SND1: variants seen among roughly 807,000 people sequenced by gnomAD.
SND1 encodes staphylococcal nuclease and tudor domain containing 1, also known as staphylococcal nuclease domain-containing protein 1.
A neutral mutation model predicts 121.7 loss-of-function variants in SND1; 38 were observed. That is an observed-to-expected ratio of 0.31 (90% CI 0.24 to 0.41). The LOEUF is 0.41. SND1 is among the 10% of genes least tolerant of loss of function. The probability of loss-of-function intolerance (pLI) is 1.00; values close to 1 mark genes in which losing one functional copy is unlikely to be tolerated. For missense variants in SND1, 868 were observed against 1,184.6 expected, an observed-to-expected ratio of 0.73 and a Z score of 3.92; for synonymous variants, 401 against 447.4, an observed-to-expected ratio of 0.90 and a Z score of 1.31.
chr7:127,779,539 C>T (rs1797679911), intron 10 of SND1, among the ~76,000 whole-genome samples: 1 of 152,162 alleles, frequency 6.6e-6, no homozygotes, highest in Admixed American at 6.5e-5. Flanking sequence ...CTTATAATGG[C>T]CTTTATATAC....
chr7:127,876,216 G>A (rs1014556983), intron 12 of SND1, among the ~76,000 whole-genome samples: 1 of 152,018 alleles, frequency 6.6e-6, no homozygotes, highest in Non-Finnish European at 1.5e-5. Context: ...TTCTAAAAAA[G>A]TTTTCTGTGG....
chr7:127,837,818 T>G (rs1434618018), intron 11 of SND1, among the ~76,000 whole-genome samples: 1 of 152,260 alleles, frequency 6.6e-6, no homozygotes, highest in East Asian at 1.9e-4. Flanking sequence ...GTATGGAAGA[T>G]CCTGTTGTTA....
intron 10 of SND1, among the ~76,000 whole-genome samples, chr7:127,768,418 A>G (rs913141283): frequency 1.3e-5 from 2 of 152,194 alleles, no homozygotes; most frequent in Non-Finnish European, 2.9e-5. Flanking sequence ...TTGTTATGTA[A>G]GTTCATAATT....
intron 13 of SND1, among the ~76,000 whole-genome samples, chr7:127,901,545 A>ATTCTGCTC (rs1237169659): frequency 6.6e-6 from 1 of 152,130 alleles, no homozygotes; most frequent in Non-Finnish European, 1.5e-5. Flanking sequence ...GCCGCAGGTT[A>ATTCTGCTC]TTCTGCTCTT....
intron 15 of SND1, among the ~76,000 whole-genome samples, chr7:127,958,668 C>T (rs776885882): frequency 3.3e-5 from 5 of 152,102 alleles, no homozygotes; most frequent in Admixed American, 6.5e-5. Context: ...TCCATGCTTA[C>T]GTCCAGAGTG....
At chr7:128,082,891 G>A (rs1793629882) in intron 18 of SND1, among the ~76,000 whole-genome samples, 1 of 152,210 alleles carries the variant, frequency 6.6e-6, no homozygotes, top group African/African-American at 2.4e-5. Flanking sequence ...AGCCCCTGAA[G>A]TCTTAGAGAG....
chr7:127,859,004 C>G (rs1799332943), intron 12 of SND1, among the ~76,000 whole-genome samples: 1 of 152,122 alleles, frequency 6.6e-6, no homozygotes, highest in Admixed American at 6.5e-5. Context: ...TCTGGGGCTG[C>G]CTCTCTCCAT....
chr7:127,676,226 G>A (rs969246416), intron 1 of SND1, among the ~76,000 whole-genome samples: 1 of 152,158 alleles, frequency 6.6e-6, no homozygotes, highest in African/African-American at 2.4e-5. Context: ...TCCCTGTCCT[G>A]CTTCCTCAGG....
intron 11 of SND1, among the ~76,000 whole-genome samples, chr7:127,840,357 A>G (rs989127209): frequency 4.6e-5 from 7 of 152,196 alleles, no homozygotes; most frequent in African/African-American, 1.4e-4. Flanking sequence ...AGGGAGCTTC[A>G]AGTAGCACCA....
At chr7:127,684,742 G>T (rs759616163) in intron 1 of SND1, among the ~76,000 whole-genome samples, 1 of 152,130 alleles carries the variant, frequency 6.6e-6, no homozygotes, top group African/African-American at 2.4e-5. Flanking sequence ...AACGAAAAGC[G>T]TGCCTGTAAC....
intron 10 of SND1, among the ~76,000 whole-genome samples, chr7:127,748,391 AG>A (rs762773294): frequency 3.9e-5 from 6 of 152,190 alleles, no homozygotes; most frequent in Non-Finnish European, 8.8e-5. Context: ...CAGATTAATC[AG>A]GTGTATGCTG....
At chr7:128,072,434 T>C (rs1417408991) in intron 16 of SND1, among the ~76,000 whole-genome samples, 1 of 152,332 alleles carries the variant, frequency 6.6e-6, no homozygotes, top group East Asian at 1.9e-4. Context: ...GGCTCAGTGT[T>C]GGCTGGGAAC....
At chr7:128,025,912 ATTGT>A (rs1803465371) in intron 16 of SND1, among the ~76,000 whole-genome samples, 1 of 151,850 alleles carries the variant, frequency 6.6e-6, no homozygotes, top group Admixed American at 6.6e-5. Context: ...CTTTCCCGAG[ATTGT>A]TTTAGGCCCA....
chr7:127,857,723 G>T, intron 12 of SND1: 1 of 604,476 alleles, frequency 1.7e-6, no homozygotes, highest in East Asian at 2.8e-5. Flanking sequence ...ACAACTAAAG[G>T]CTTTTATTGG....
chr7:127,945,055 G>A (rs187690813), intron 15 of SND1, among the ~76,000 whole-genome samples: 2 of 152,162 alleles, frequency 1.3e-5, no homozygotes, highest in African/African-American at 4.8e-5. Flanking sequence ...AGATGCTTGA[G>A]GGTAGGGACC....
chr7:128,030,888 C>G (rs1398385075), intron 16 of SND1: 4 of 419,402 alleles, frequency 9.5e-6, no homozygotes, highest in Non-Finnish European at 1.7e-5. Context: ...CTGCAACCGT[C>G]CCCACCCAGT....
At chr7:127,801,864 CAG>C (rs1210953737) in intron 10 of SND1, among the ~76,000 whole-genome samples, 1 of 151,952 alleles carries the variant, frequency 6.6e-6, no homozygotes, top group Non-Finnish European at 1.5e-5. Flanking sequence ...TTTTTTGAGA[CAG>C]AGTCTTGCTC....
intron 14 of SND1, among the ~76,000 whole-genome samples, chr7:127,919,817 T>G (rs1800660200): frequency 6.6e-6 from 1 of 152,216 alleles, no homozygotes; most frequent in Non-Finnish European, 1.5e-5. Flanking sequence ...AAAATAGAAA[T>G]GCTACTTTTA....
intron 2 of SND1, among the ~76,000 whole-genome samples, chr7:127,688,109 G>C (rs767259516): frequency 8.2e-4 from 125 of 152,206 alleles, no homozygotes; most frequent in Non-Finnish European, 1.6e-3. Flanking sequence ...AGTTTCTTAA[G>C]GGAACTTATG....
Sources: allele counts gnomAD v4.1 joint callset (sites outside exome capture counted in the v4.1 genomes callset), GRCh38; gene constraint gnomAD v4.1.1; transcripts MANE v1.5; gene names NCBI Gene and HGNC (gene_info 2026-07-23, HGNC 2026-07-21).